DEPTOR: variants seen among roughly 807,000 people sequenced by gnomAD.
DEPTOR encodes DEP domain-containing mTOR-interacting protein.
DEPTOR carries 41 observed loss-of-function variants against 41.6 expected under a neutral mutation model. That is an observed-to-expected ratio of 0.98 (90% CI 0.77 to 1.28). The LOEUF is 1.28. Among genes scored for constraint, DEPTOR ranks in the 50% most tolerant of loss-of-function variants. DEPTOR has a pLI of 0.00. For missense variants in DEPTOR, 514 were observed against 527.9 expected, an observed-to-expected ratio of 0.97 and a Z score of 0.26; for synonymous variants, 195 against 192.3, an observed-to-expected ratio of 1.01 and a Z score of -0.12.
Position 120,001,662 on chromosome 8 carries a change from CT to C in DEPTOR, c.743del (p.Leu248ArgfsTer17). 1 of 1,614,008 alleles carries C rather than the reference CT, an allele frequency of 6.2e-7. No homozygotes were observed. The highest frequency in any genetic ancestry group is 8.5e-7 in the Non-Finnish European group (1 of 1,179,966). ...GGAAACTCATGACAGTCCCTTCTGC[CT>C]GAGGAAGCAGAGCCATGACAATCGG... ...SQETHDSPFC[L>X]RKQSHDNRKS... On this transcript the variant is annotated frameshift_variant, in exon 5 of 9. Coordinates refer to ENST00000286234, the MANE Select transcript of DEPTOR (RefSeq NM_022783.4). LOFTEE classifies it high-confidence loss of function.
chr8:119,929,248 A>G (rs1828009150), intron 2 of DEPTOR, among the ~76,000 whole-genome samples: 1 of 152,106 alleles, frequency 6.6e-6, no homozygotes, highest in South Asian at 2.1e-4. Context: ...TTCTCTTGGA[A>G]TACCCTTTCG....
At chr8:119,900,446 G>T (rs891297148) in intron 1 of DEPTOR, among the ~76,000 whole-genome samples, 29 of 129,844 alleles carry the variant, frequency 2.2e-4, no homozygotes, top group African/African-American at 8.8e-4. Flanking sequence ...GAGTGCAGTG[G>T]CATGATCATA....
chr8:119,921,760 G>GTTTTTTTTTTTTT (rs1563966294), intron 1 of DEPTOR, among the ~76,000 whole-genome samples: 1 of 128,524 alleles, frequency 7.8e-6, no homozygotes, highest in African/African-American at 3.5e-5. Flanking sequence ...TTTTTTTTTT[G>GTTTTTTTTTTTTT]TTTGTTTGTT....
intron 3 of DEPTOR, among the ~76,000 whole-genome samples, chr8:119,950,090 A>G (rs528058758): frequency 1.3e-5 from 2 of 152,202 alleles, no homozygotes; most frequent in African/African-American, 4.8e-5. Context: ...TGTATTTTGC[A>G]TGTGACTATC....
rs1386089922 is a variant in DEPTOR at position 120,003,082 on chromosome 8, G to GC, written c.902dup (p.Val302CysfsTer16). Reference sequence around the variant, plus strand: ...AGCAGCAGCCCCACCCTCAGCAGCAGCCCCCCTGTGCTCTGCAACCCCAAG... The same window carrying GC: ...AGCAGCAGCCCCACCCTCAGCAGCAGCCCCCCCTGTGCTCTGCAACCCCAAG... On this transcript the variant is annotated frameshift_variant, in exon 6 of 9. Coordinates refer to ENST00000286234, the MANE Select transcript of DEPTOR (RefSeq NM_022783.4). LOFTEE classifies it high-confidence loss of function. 2 of 1,612,870 alleles carry GC rather than the reference G, an allele frequency of 1.2e-6. No homozygotes were observed. Among genetic ancestry groups the GC allele is most frequent in the African/African-American group, 1.3e-5 (1 of 74,844 alleles).
At chr8:120,002,903 A>G in intron 5 of DEPTOR, 74 bp from the exon 6 acceptor site, 1 of 1,502,934 alleles carries the variant, frequency 6.7e-7, no homozygotes, top group Admixed American at 2.0e-5. Context: ...TGGACCTTGC[A>G]GTTGAAAGCC....
intron 4 of DEPTOR, among the ~76,000 whole-genome samples, chr8:119,979,796 CA>C (rs1392480054): frequency 6.6e-6 from 1 of 152,066 alleles, no homozygotes; most frequent in Non-Finnish European, 1.5e-5. Context: ...GGTTTTGCCC[CA>C]CTGGCTCACT....
intron 8 of DEPTOR, among the ~76,000 whole-genome samples, chr8:120,047,467 A>G (rs967038765): frequency 2.6e-5 from 4 of 152,054 alleles, no homozygotes; most frequent in Non-Finnish European, 5.9e-5. Context: ...TCCCGGGTTC[A>G]AGTGATTCTT....
At chr8:119,932,782 C>A (rs1018997253) in intron 3 of DEPTOR, among the ~76,000 whole-genome samples, 1 of 152,026 alleles carries the variant, frequency 6.6e-6, no homozygotes, top group Non-Finnish European at 1.5e-5. Flanking sequence ...TGGTGGGGTA[C>A]TTTAAATAGG....
intron 4 of DEPTOR, among the ~76,000 whole-genome samples, chr8:119,988,964 T>C (rs865882314): frequency 0.1 from 14,482 of 140,128 alleles, 969 homozygotes; most frequent in Non-Finnish European, 0.15. Context: ...TTTTCTTTTT[T>C]TTTTTTTTTT....
chr8:119,928,505 CAAAGAG>C lies in DEPTOR; in HGVS notation c.229_234del (p.Lys77_Glu78del). 6.2e-7 allele frequency: 1 copy of C among 1,614,148 alleles called. No homozygotes were observed. The highest frequency in any genetic ancestry group is 8.5e-7 in the Non-Finnish European group (1 of 1,180,012). On this transcript the variant is annotated inframe_deletion, in exon 2 of 9. Transcript: ENST00000286234. ...AACTGATTGACTGGCTGATTGAACA[CAAAGAG>C]GCTTCTGACAGAGAGACGGCAATTA...
intron 1 of DEPTOR, among the ~76,000 whole-genome samples, chr8:119,905,600 T>C (rs1827651346): frequency 1.3e-5 from 2 of 151,340 alleles, no homozygotes; most frequent in South Asian, 4.2e-4. Flanking sequence ...ATTTTAGGCA[T>C]AGATTTTTCC....
At chr8:120,021,850 A>C (rs533505981) in intron 8 of DEPTOR, among the ~76,000 whole-genome samples, 2 of 152,302 alleles carry the variant, frequency 1.3e-5, no homozygotes, top group South Asian at 2.1e-4. Context: ...CAAATACAAG[A>C]TGCATGGATT....
chr8:119,936,003 T>TG (rs1828107451), intron 3 of DEPTOR, among the ~76,000 whole-genome samples: 2 of 150,296 alleles, frequency 1.3e-5, no homozygotes, highest in African/African-American at 4.9e-5. Flanking sequence ...CTAGTTGTTT[T>TG]TTTTTTTTTT....
chr8:119,883,301 C>T (rs941106780), intron 1 of DEPTOR, among the ~76,000 whole-genome samples: 3 of 151,490 alleles, frequency 2.0e-5, no homozygotes, highest in Admixed American at 2.0e-4. Flanking sequence ...GGTGAAACCC[C>T]GTCTCTACTA....
intron 4 of DEPTOR, among the ~76,000 whole-genome samples, chr8:119,965,671 G>A (rs1333196410): frequency 6.6e-6 from 1 of 152,176 alleles, no homozygotes; most frequent in Non-Finnish European, 1.5e-5. Context: ...AAGAGGGCAG[G>A]CAGGTTCTTA....
At chr8:119,876,008 A>C (rs1163677311) in intron 1 of DEPTOR, among the ~76,000 whole-genome samples, 1 of 152,204 alleles carries the variant, frequency 6.6e-6, no homozygotes, top group Admixed American at 6.5e-5. Context: ...TCTGCTCTTC[A>C]TTACTGGGCC....
chr8:119,933,108 G>T (rs959491963), intron 3 of DEPTOR, among the ~76,000 whole-genome samples: 1 of 152,048 alleles, frequency 6.6e-6, no homozygotes, highest in African/African-American at 2.4e-5. Flanking sequence ...ATATACTTCT[G>T]CATGTGCTGT....
intron 7 of DEPTOR, among the ~76,000 whole-genome samples, chr8:120,008,465 T>G: frequency 6.9e-6 from 1 of 144,944 alleles, no homozygotes; most frequent in East Asian, 2.1e-4. Context: ...GGAGGTGGGG[T>G]TGCAGTGAGC....
Sources: gnomAD v4.1 joint callset for allele counts (sites outside exome capture counted in the v4.1 genomes callset) on GRCh38, gnomAD v4.1.1 for gene constraint, MANE v1.5 for transcripts, NCBI Gene and HGNC (gene_info 2026-07-23, HGNC 2026-07-21) for gene names.